The following OR51B5 variants were observed in gnomAD, a reference collection of about 807,000 sequenced individuals.
The protein encoded by OR51B5 is olfactory receptor 51B5.
For missense variants in OR51B5, 456 were observed against 374.6 expected (o/e 1.22, Z -1.79); for synonymous variants, 186 against 144.8 (o/e 1.28, Z -2.04).
At chr11:5,390,003 C>G in intron 1 of OR51B5, 2 of 1,613,236 alleles carry the variant, frequency 1.2e-6, no homozygotes, top group Middle Eastern at 1.7e-4. Flanking sequence ...CTGGCCTGCA[C>G]AGATATCACC....
intron 1 of OR51B5, chr11:5,422,549 C>T (rs762860898): frequency 9.4e-5 from 152 of 1,613,978 alleles, no homozygotes; most frequent in Non-Finnish European, 1.3e-4. Flanking sequence ...GTCTTCTGTC[C>T]TCCTGGCTAT....
At chr11:5,432,003 G>T (rs1024058433) in intron 1 of OR51B5, among the ~76,000 whole-genome samples, 1 of 152,164 alleles carries the variant, frequency 6.6e-6, no homozygotes, top group Non-Finnish European at 1.5e-5. Flanking sequence ...CACCTTGAGT[G>T]CTTATTACTT....
chr11:5,347,306 G>A (rs776208930), upstream of OR51B5, among the ~76,000 whole-genome samples: 11 of 152,088 alleles, frequency 7.2e-5, no homozygotes, highest in Non-Finnish European at 1.5e-4. Flanking sequence ...TTCCTGCTTG[G>A]TTTAGATCAG....
intron 1 of OR51B5, among the ~76,000 whole-genome samples, chr11:5,460,209 G>A (rs1232088646): frequency 6.6e-6 from 1 of 152,210 alleles, no homozygotes; most frequent in East Asian, 1.9e-4. Flanking sequence ...TGGACACAGA[G>A]AAGGGAACAA....
intron 1 of OR51B5, among the ~76,000 whole-genome samples, chr11:5,357,634 A>G (rs943878713): frequency 4.6e-5 from 7 of 151,722 alleles, no homozygotes; most frequent in Admixed American, 3.3e-4. Context: ...CTCTGCACCA[A>G]GCGGACCTAA....
At chr11:5,395,087 T>C (rs1849847598) in intron 1 of OR51B5, among the ~76,000 whole-genome samples, 1 of 152,220 alleles carries the variant, frequency 6.6e-6, no homozygotes, top group Non-Finnish European at 1.5e-5. Context: ...TACTCATGGT[T>C]CACTAAATTT....
At chr11:5,361,003 G>A (rs1208740430) in intron 1 of OR51B5, among the ~76,000 whole-genome samples, 5 of 149,886 alleles carry the variant, frequency 3.3e-5, no homozygotes, top group Admixed American at 1.3e-4. Context: ...GGTGGGGGTC[G>A]GGGGGAGGGA....
chr11:5,504,529 G>A (rs891439184), intron 1 of OR51B5, among the ~76,000 whole-genome samples: 6 of 152,172 alleles, frequency 3.9e-5, no homozygotes, highest in African/African-American at 1.4e-4. Flanking sequence ...TAAGAACAGG[G>A]ACAGCAGATG....
At chr11:5,401,386 T>C (rs1163782599) in intron 1 of OR51B5, among the ~76,000 whole-genome samples, 2 of 152,242 alleles carry the variant, frequency 1.3e-5, no homozygotes, top group Non-Finnish European at 2.9e-5. Flanking sequence ...TTCTCCTTCC[T>C]GAATCTTCCA....
intron 1 of OR51B5, among the ~76,000 whole-genome samples, chr11:5,451,906 C>T (rs1850859236): frequency 6.6e-6 from 1 of 152,130 alleles, no homozygotes; most frequent in Non-Finnish European, 1.5e-5. Flanking sequence ...AGGCAATGAA[C>T]ACAAAAGTGT....
Position 5,389,645 on chromosome 11 carries a change from C to A in OR51B5, n.85-42735G>T, listed in dbSNP as rs374491977. 5 of 1,613,686 alleles carry A rather than the reference C, an allele frequency of 3.1e-6. No homozygotes were observed. In the Admixed American group the frequency reaches 6.7e-5, roughly 22 times the overall value. On this transcript the variant is annotated intron_variant and non_coding_transcript_variant, in intron 1 of 4. Coordinates refer to the OR51B5 transcript ENST00000415970. Reference sequence around the variant, plus strand: ...ACTATCCTTGCTGGCCCTCACTGACCTGGGGCTGTGTGTGTCCACGTTGCC... The same window carrying A: ...ACTATCCTTGCTGGCCCTCACTGACATGGGGCTGTGTGTGTCCACGTTGCC...
At chr11:5,444,575 G>A (rs1030538014) in intron 1 of OR51B5, among the ~76,000 whole-genome samples, 5 of 152,120 alleles carry the variant, frequency 3.3e-5, no homozygotes, top group Non-Finnish European at 7.4e-5. Context: ...TAGATAAAGA[G>A]GTCAGGTGGG....
intron 1 of OR51B5, among the ~76,000 whole-genome samples, chr11:5,463,108 G>C (rs1361761359): frequency 6.6e-6 from 1 of 152,124 alleles, no homozygotes; most frequent in East Asian, 1.9e-4. Context: ...ATTTTTCTTT[G>C]TTTCCATTAT....
chr11:5,492,869 A>C (rs1364511418), intron 1 of OR51B5, among the ~76,000 whole-genome samples: 1 of 152,134 alleles, frequency 6.6e-6, no homozygotes, highest in African/African-American at 2.4e-5. Flanking sequence ...TCCTGACCTC[A>C]AGTGATCCAC....
intron 1 of OR51B5, among the ~76,000 whole-genome samples, chr11:5,353,556 T>A (rs4347419): frequency 0.27 from 40,318 of 152,142 alleles, 5,598 homozygotes; most frequent in African/African-American, 0.31. Context: ...CAAATACTTT[T>A]GATTCTTTTC....
Position 5,471,361 on chromosome 11 carries a change from G to A in OR51B5, n.84+34208C>T, listed in dbSNP as rs149409084. Among the ~76,000 whole-genome samples, 43 of 152,258 alleles carry A rather than the reference G, an allele frequency of 2.8e-4. No homozygotes were observed. The East Asian group carries it at 8.1e-3, about 29-fold the overall frequency. On this transcript the variant is annotated intron_variant and non_coding_transcript_variant, in intron 1 of 4. Coordinates refer to the OR51B5 transcript ENST00000415970. ...GTTAAAATATTGATCAAATAGGCCA[G>A]GTACAGTGGCTCATACCTGTAATCC...
chr11:5,476,746 C>A lies in OR51B5; in HGVS notation n.84+28823G>T, dbSNP rs943124704. Among the ~76,000 whole-genome samples the A allele has an allele frequency of 3.3e-5, 5 of 152,190 alleles. No homozygotes were observed. The East Asian group carries it at 9.6e-4, about 29-fold the overall frequency. On this transcript the variant is annotated intron_variant and non_coding_transcript_variant, in intron 1 of 4. Coordinates refer to the OR51B5 transcript ENST00000415970. ...GACTTACTAGTTGTGTTATCCTAGACAAGTTACTTAATCTGTTCTTTACAC... is the reference window on the plus strand; with the variant it reads ...GACTTACTAGTTGTGTTATCCTAGAAAAGTTACTTAATCTGTTCTTTACAC...
At chr11:5,398,062 G>A (rs1849907393) in intron 1 of OR51B5, among the ~76,000 whole-genome samples, 1 of 152,110 alleles carries the variant, frequency 6.6e-6, no homozygotes, top group Non-Finnish European at 1.5e-5. Flanking sequence ...GGGGTGGGAG[G>A]AGGGGGCAGG....
chr11:5,459,186 C>A (rs1851009087), intron 1 of OR51B5, among the ~76,000 whole-genome samples: 1 of 152,074 alleles, frequency 6.6e-6, no homozygotes. Flanking sequence ...ATGTCAAAAG[C>A]CTTTTCTGTC....
Sources: gnomAD v4.1 joint callset for allele counts (sites outside exome capture counted in the v4.1 genomes callset) on GRCh38, gnomAD v4.1.1 for gene constraint, MANE v1.5 for transcripts, NCBI Gene and HGNC (gene_info 2026-07-23, HGNC 2026-07-21) for gene names.